GPM6B: variants seen among roughly 807,000 people sequenced by gnomAD.
GPM6B encodes the protein glycoprotein M6B, also known as neuronal membrane glycoprotein M6-b.
GPM6B carries 4 observed loss-of-function variants against 27.2 expected under a neutral mutation model. That is an observed-to-expected ratio of 0.15 (90% CI 0.07 to 0.34). GPM6B has a LOEUF of 0.34. GPM6B is among the 10% of genes least tolerant of loss of function. The pLI is 1.00. For missense variants in GPM6B, 183 were observed against 261.9 expected, an observed-to-expected ratio of 0.70 and a Z score of 2.08; for synonymous variants, 124 against 103.1, an observed-to-expected ratio of 1.20 and a Z score of -1.23.
At chrX:13,840,471 G>A (rs1272242219) in intron 1 of GPM6B, among the ~76,000 whole-genome samples, 1 of 111,644 alleles carries the variant, frequency 9.0e-6, no homozygotes, top group Admixed American at 9.5e-5. Context: ...TTGTTGACTG[G>A]TGTATAGTAG....
intron 1 of GPM6B, among the ~76,000 whole-genome samples, chrX:13,877,824 C>CAAAAAAAAAAAAAAAAAAAA (rs761891419): frequency 1.8e-4 from 5 of 27,466 alleles, no homozygotes; most frequent in East Asian, 1.7e-3. Context: ...CAGACTCTGC[C>CAAAAAAAAAAAAAAAAAAAA]AAAAAAAAAA....
In GPM6B at chrX:13,772,855, G is replaced by T. The variant is rs1204229070; in HGVS notation, c.*26C>A. 8.3e-7 allele frequency: 1 copy of T among 1,200,511 alleles called. No homozygotes were observed. Among genetic ancestry groups the T allele is most frequent in the East Asian group, 3.0e-5 (1 of 33,796 alleles). On this transcript the variant is annotated 3_prime_UTR_variant, in exon 8 of 8. Transcript: ENST00000316715. ...GATGATTTGTCAGAGCTGTAAATACGTCGGCCGAAACACTCTGGCAAACAT... is the reference window on the plus strand; with the variant it reads ...GATGATTTGTCAGAGCTGTAAATACTTCGGCCGAAACACTCTGGCAAACAT...
chrX:13,785,451 T>C (rs1181140340), intron 3 of GPM6B, among the ~76,000 whole-genome samples, 171 bp downstream of exon 3: 1 of 109,779 alleles, frequency 9.1e-6, no homozygotes, highest in African/African-American at 3.3e-5. Flanking sequence ...CCCAGCTAAA[T>C]TTTTTTTTGT....
intron 1 of GPM6B, among the ~76,000 whole-genome samples, chrX:13,837,710 TGG>T (rs771546203): frequency 0.069 from 772 of 11,239 alleles, 15 homozygotes; most frequent in Middle Eastern, 0.12. Context: ...AGCAAGTTGG[TGG>T]GGGGGGGGGG....
At chrX:13,824,040 T>C (rs748692455) in intron 1 of GPM6B, among the ~76,000 whole-genome samples, 4 of 112,056 alleles carry the variant, frequency 3.6e-5, no homozygotes, top group Non-Finnish European at 7.5e-5. Flanking sequence ...GTATTGCTGC[T>C]CCTCTCCTCG....
intron 1 of GPM6B, among the ~76,000 whole-genome samples, chrX:13,812,151 G>A (rs1408069852): frequency 7.9e-5 from 8 of 101,341 alleles, no homozygotes; most frequent in Admixed American, 5.7e-4. Flanking sequence ...TCGGGTTCAC[G>A]CCATTCTCCT....
chrX:13,827,708 G>T (rs558910995), intron 1 of GPM6B, among the ~76,000 whole-genome samples: 1 of 112,302 alleles, frequency 8.9e-6, no homozygotes, highest in Admixed American at 9.4e-5. Flanking sequence ...CAAATTGAAG[G>T]TTAAATCACA....
Position 13,785,789 on chromosome X carries a change from G to T in GPM6B, c.201C>A (p.Ile67=), listed in dbSNP as rs2048601632. ...CGTAGGGGACTCCTCCCAGACACTT[G>T]ATGCAGCATTCAAAGCAGCCTGAAC... is the stretch of plus-strand genomic sequence containing the variant. ...LSSPGCFECC[I]KCLGGVPYAS... is the part of the protein sequence containing the mutation. The change falls in exon 3 of 8, where the codon ATC becomes ATA. Residue 67 remains isoleucine, a synonymous_variant. Coordinates refer to ENST00000316715, the MANE Select transcript of GPM6B (RefSeq NM_001001995.3). 6 of 1,207,499 alleles carry T rather than the reference G, an allele frequency of 5.0e-6. No individual in the cohort carries two copies. The highest frequency in any genetic ancestry group is 6.7e-6 in the Non-Finnish European group (6 of 893,345).
chrX:13,795,742 CT>C (rs146240939), intron 2 of GPM6B, among the ~76,000 whole-genome samples: 16,386 of 82,629 alleles, frequency 0.2, 1,561 homozygotes, highest in East Asian at 0.34. Flanking sequence ...AATTTCTTTT[CT>C]TTTTTTTTTT....
At chrX:13,787,041 C>CAAAAAAAA (rs869123073) in intron 2 of GPM6B, among the ~76,000 whole-genome samples, 1,262 of 24,473 alleles carry the variant, frequency 0.052, 193 homozygotes, top group Middle Eastern at 0.071. Flanking sequence ...ATTAAGCCAG[C>CAAAAAAAA]AAAAAAAAAA....
intron 1 of GPM6B, among the ~76,000 whole-genome samples, chrX:13,865,571 G>GAAAGAAAGA (rs1555923757): frequency 5.5e-5 from 3 of 54,611 alleles, no homozygotes; most frequent in East Asian, 4.1e-4. Flanking sequence ...AAGAAAGAAA[G>GAAAGAAAGA]AAAGAAAAGA....
chrX:13,837,604 T>C (rs1367824866), intron 1 of GPM6B, among the ~76,000 whole-genome samples: 3 of 108,549 alleles, frequency 2.8e-5, no homozygotes, highest in Non-Finnish European at 5.7e-5. Flanking sequence ...ATCTCAGCTA[T>C]GACAGGCCAA....
At chrX:13,930,410 C>T (rs765587837) in intron 1 of GPM6B, among the ~76,000 whole-genome samples, 6 of 110,910 alleles carry the variant, frequency 5.4e-5, no homozygotes, top group South Asian at 3.9e-4. Context: ...GTCAGGAGAT[C>T]GAGACCACCC....
At chrX:13,781,279 G>A (rs1406819152) in intron 4 of GPM6B, among the ~76,000 whole-genome samples, 1 of 111,276 alleles carries the variant, frequency 9.0e-6, no homozygotes, top group African/African-American at 3.3e-5. Context: ...GAGTTCCTGG[G>A]CACAAACCTC....
At position 13,791,618 on chromosome X, in the gene GPM6B, GA is replaced by G. The variant is rs1311292044; in HGVS notation, c.182-5811del. Among the ~76,000 whole-genome samples, 100 of 106,971 alleles carry G rather than the reference GA, an allele frequency of 9.3e-4. No individual in the cohort carries two copies. The South Asian group carries it at 0.01, about 11-fold the overall frequency. The allele number at this position is 106,971 out of a possible 115,157, so 92.9% of individuals were successfully genotyped here. A position where few individuals can be genotyped will look rare whatever the true frequency, so the allele number is the denominator to read the frequency against. On this transcript the variant is annotated intron_variant, in intron 2 of 7. Coordinates refer to ENST00000316715, the MANE Select transcript of GPM6B (RefSeq NM_001001995.3). The stretch of plus-strand genomic sequence containing the variant: ...GTTTAAATATAAGCCATGTAGTAGG[GA>G]AAAAAAAAATACACATCAATGCCTT...
intron 1 of GPM6B, among the ~76,000 whole-genome samples, chrX:13,916,591 A>G (rs1056484664): frequency 1.8e-5 from 2 of 110,382 alleles, no homozygotes; most frequent in African/African-American, 3.3e-5. Context: ...ACGCCAAGCT[A>G]TTGGATGGAA....
At position 13,773,089 on chromosome X, in the gene GPM6B, G is replaced by A. The variant is rs771244021; in HGVS notation, c.838-59C>T. 16 of 1,065,547 alleles carry A rather than the reference G, an allele frequency of 1.5e-5. No homozygotes were observed. In the South Asian group the frequency reaches 2.8e-4, roughly 18 times the overall value. The allele number at this position is 1,065,547 out of a possible 1,213,427, so 87.8% of individuals were successfully genotyped here. A position where few individuals can be genotyped will look rare whatever the true frequency, so the allele number is the denominator to read the frequency against. ...GCATTGTGAGAAGGCAAAGCGAGGC[G>A]CTAGTTAGATTAGACAGACTTGACT... On this transcript the variant is annotated intron_variant, in intron 7 of 7. Transcript: ENST00000316715.
At chrX:13,799,472 G>C (rs2048881261) in intron 2 of GPM6B, among the ~76,000 whole-genome samples, 1 of 107,898 alleles carries the variant, frequency 9.3e-6, no homozygotes, top group African/African-American at 3.4e-5. Context: ...ACAACGAGTA[G>C]CCAATCTGAA....
chrX:13,837,724 G>GAGC (rs35999527), intron 1 of GPM6B, among the ~76,000 whole-genome samples: 2 of 32,882 alleles, frequency 6.1e-5, no homozygotes, highest in African/African-American at 1.4e-4. Flanking sequence ...GGGGGGGGGG[G>GAGC]GGGGAAGCAG....
Sources: gnomAD v4.1 joint callset for allele counts (sites outside exome capture counted in the v4.1 genomes callset) on GRCh38, gnomAD v4.1.1 for gene constraint, MANE v1.5 for transcripts, NCBI Gene and HGNC (gene_info 2026-07-23, HGNC 2026-07-21) for gene names.